LINGO2: variants seen among roughly 807,000 people sequenced by gnomAD.
The protein encoded by LINGO2 is leucine-rich repeat and immunoglobulin-like domain-containing nogo receptor-interacting protein 2.
LINGO2 carries 14 observed loss-of-function variants against 30.6 expected under a neutral mutation model. The ratio of observed to expected loss-of-function variants is 0.46; its 90% CI spans 0.30 to 0.72. The LOEUF is 0.72. Among genes scored for constraint, LINGO2 ranks in the 30% least tolerant of loss-of-function variants. The probability of loss-of-function intolerance (pLI) is 0.07; values close to 1 mark genes in which losing one functional copy is unlikely to be tolerated. For missense variants in LINGO2, 729 were observed against 751.7 expected (o/e 0.97, Z 0.35); for synonymous variants, 317 against 288.5 (o/e 1.10, Z -1.00).
the LINGO2 span, among the ~76,000 whole-genome samples, chr9:28,950,211 C>T: frequency 1.9e-4 from 29 of 152,164 alleles, no homozygotes; most frequent in African/African-American, 4.8e-4. Context: ...ATGCTAAGAA[C>T]GCTCAATAAA....
chr9:28,109,236 G>C (rs1036714464), intron 4 of LINGO2, among the ~76,000 whole-genome samples: 2 of 152,110 alleles, frequency 1.3e-5, no homozygotes, highest in African/African-American at 4.8e-5. Context: ...GGCATTGATG[G>C]AACATATCTC....
the LINGO2 span, among the ~76,000 whole-genome samples, chr9:29,118,225 A>G: frequency 2.0e-5 from 3 of 152,110 alleles, no homozygotes; most frequent in East Asian, 5.8e-4. Context: ...ATCACTAACT[A>G]ATTACACTAT....
At chr9:28,666,652 G>C (rs1186208314) in intron 1 of LINGO2, among the ~76,000 whole-genome samples, 1 of 152,156 alleles carries the variant, frequency 6.6e-6, no homozygotes, top group Non-Finnish European at 1.5e-5. Context: ...ATGGCATCAT[G>C]TGGTGAGCAG....
chr9:28,324,176 G>A (rs1825143711), intron 3 of LINGO2, among the ~76,000 whole-genome samples: 3 of 152,120 alleles, frequency 2.0e-5, no homozygotes, highest in South Asian at 2.1e-4. Flanking sequence ...GGCTTGCACG[G>A]GCCCCTGTCA....
chr9:28,039,037 T>G (rs2132965120), intron 4 of LINGO2, among the ~76,000 whole-genome samples: 1 of 152,224 alleles, frequency 6.6e-6, no homozygotes, highest in East Asian at 1.9e-4. Flanking sequence ...AAGATCTTCC[T>G]TTGTCGGGGA....
chr9:28,971,307 T>G, the LINGO2 span, among the ~76,000 whole-genome samples: 1 of 152,168 alleles, frequency 6.6e-6, no homozygotes, highest in Non-Finnish European at 1.5e-5. Flanking sequence ...TTGGCCTCAG[T>G]GGCATAGACC....
At chr9:28,089,963 C>T (rs1046066632) in intron 4 of LINGO2, among the ~76,000 whole-genome samples, 4 of 152,020 alleles carry the variant, frequency 2.6e-5, no homozygotes, top group African/African-American at 9.7e-5. Flanking sequence ...AGAAAATCTA[C>T]AAGAAATGGA....
intron 1 of LINGO2, among the ~76,000 whole-genome samples, chr9:28,517,817 C>T (rs1388203390): frequency 2.0e-5 from 3 of 152,080 alleles, no homozygotes; most frequent in African/African-American, 4.8e-5. Flanking sequence ...GCCTATTTTC[C>T]CCAATAGAAA....
intron 2 of LINGO2, among the ~76,000 whole-genome samples, chr9:28,436,401 G>A (rs1396121397): frequency 6.6e-6 from 1 of 151,574 alleles, no homozygotes; most frequent in Non-Finnish European, 1.5e-5. Flanking sequence ...GTCTGTTTGA[G>A]AGAGAAGAAT....
the LINGO2 span, among the ~76,000 whole-genome samples, chr9:29,031,664 C>T: frequency 3.9e-5 from 6 of 151,998 alleles, no homozygotes; most frequent in East Asian, 1.9e-4. Context: ...ACTTTCTTTA[C>T]GAAGTTTTGG....
chr9:28,360,621 G>A (rs949348433), intron 3 of LINGO2, among the ~76,000 whole-genome samples: 17 of 152,246 alleles, frequency 1.1e-4, no homozygotes, highest in African/African-American at 3.9e-4. Flanking sequence ...CCTGAAAGAT[G>A]CCTGAAACCG....
At chr9:28,710,758 T>A in the LINGO2 span, among the ~76,000 whole-genome samples, 5 of 152,206 alleles carry the variant, frequency 3.3e-5, no homozygotes, top group South Asian at 1.0e-3. Context: ...AACCCTCCAA[T>A]TACATATTTA....
intron 4 of LINGO2, among the ~76,000 whole-genome samples, chr9:28,091,462 A>G (rs1826083404): frequency 1.3e-5 from 2 of 152,210 alleles, no homozygotes; most frequent in Non-Finnish European, 2.9e-5. Flanking sequence ...AGGATTCCCT[A>G]TTTAATAAAT....
intron 3 of LINGO2, among the ~76,000 whole-genome samples, chr9:28,299,879 C>T (rs1824070069): frequency 6.6e-6 from 1 of 152,084 alleles, no homozygotes; most frequent in Admixed American, 6.6e-5. Context: ...AGCATTTAAA[C>T]CCATGATACT....
the LINGO2 span, among the ~76,000 whole-genome samples, chr9:28,949,543 TC>T: frequency 6.6e-6 from 1 of 151,952 alleles, no homozygotes; most frequent in Non-Finnish European, 1.5e-5. Context: ...ACATACACCC[TC>T]CCAAGACTAA....
intron 1 of LINGO2, among the ~76,000 whole-genome samples, chr9:28,651,182 C>CA (rs5897316): frequency 1.9e-3 from 249 of 130,208 alleles, no homozygotes; most frequent in South Asian, 3.0e-3. Context: ...GACTCAGTCT[C>CA]AAAAAAAAAA....
At chr9:28,708,605 A>C in the LINGO2 span, among the ~76,000 whole-genome samples, 16 of 152,236 alleles carry the variant, frequency 1.1e-4, no homozygotes, top group African/African-American at 3.4e-4. Context: ...TGAACAGTTC[A>C]GTGTGAAACA....
chr9:28,930,250 GGGTT>G, the LINGO2 span, among the ~76,000 whole-genome samples: 1 of 152,116 alleles, frequency 6.6e-6, no homozygotes, highest in Non-Finnish European at 1.5e-5. This position sits in a 1 kb window ranked among gnomAD's most constrained non-coding sequence, Gnocchi z 4.2. Context: ...TTATCCTTCA[GGGTT>G]TGGCTTAGAC....
chr9:28,189,273 AAGGGAGGGAGGGAGGG>A (rs1412279132), intron 4 of LINGO2, among the ~76,000 whole-genome samples: 43 of 46,664 alleles, frequency 9.2e-4, no homozygotes, highest in African/African-American at 2.8e-3. Context: ...GGGAGGGAGG[AAGGGAGGGAGGGAGGG>A]AGGAAGGAAG....
Sources: gnomAD v4.1 joint callset for allele counts (sites outside exome capture counted in the v4.1 genomes callset) on GRCh38, gnomAD v4.1.1 for gene constraint, Gnocchi (gnomAD v3.1) non-coding constraint, MANE v1.5 for transcripts, NCBI Gene and HGNC (gene_info 2026-07-23, HGNC 2026-07-21) for gene names.